The following PPP2R5E variants were observed in gnomAD, a reference collection of about 807,000 sequenced individuals.
PPP2R5E encodes the protein serine/threonine-protein phosphatase 2A 56 kDa regulatory subunit epsilon isoform.
PPP2R5E carries 4 observed loss-of-function variants against 65.3 expected under a neutral mutation model. The observed-to-expected ratio is 0.06, with a 90% CI of 0.03 to 0.14. PPP2R5E has a LOEUF of 0.14. PPP2R5E is among the 10% of genes least tolerant of loss of function. The probability of loss-of-function intolerance (pLI) is 1.00; values close to 1 mark genes in which losing one functional copy is unlikely to be tolerated. For synonymous variants in PPP2R5E, 183 were observed against 187.4 expected, an observed-to-expected ratio of 0.98 and a Z score of 0.19; for missense variants, 274 against 556.1, an observed-to-expected ratio of 0.49 and a Z score of 5.10.
chr14:63,381,871 G>A (rs1469702722), intron 13 of PPP2R5E, among the ~76,000 whole-genome samples, 185 bp downstream of exon 13: 1 of 152,168 alleles, frequency 6.6e-6, no homozygotes, highest in Non-Finnish European at 1.5e-5. Flanking sequence ...TACTTATGAT[G>A]TTCACACAAT....
intron 3 of PPP2R5E, among the ~76,000 whole-genome samples, chr14:63,424,934 A>G (rs1202424478): frequency 6.6e-6 from 1 of 152,210 alleles, no homozygotes; most frequent in Non-Finnish European, 1.5e-5. Context: ...TGTTCAGAGC[A>G]TTGACTAAGA....
At chr14:63,502,614 C>G (rs1379002835) in intron 2 of PPP2R5E, among the ~76,000 whole-genome samples, 1 of 152,014 alleles carries the variant, frequency 6.6e-6, no homozygotes, top group African/African-American at 2.4e-5. Flanking sequence ...TTGCAGTGAG[C>G]TGAGATCATG....
intron 5 of PPP2R5E, among the ~76,000 whole-genome samples, chr14:63,400,056 G>C (rs1052882863): frequency 2.0e-5 from 3 of 152,160 alleles, no homozygotes; most frequent in Admixed American, 6.5e-5. Context: ...TTCAAAAATA[G>C]GTAGAGACAG....
In PPP2R5E at chr14:63,509,700, C is replaced by G. The variant is rs542646534; in HGVS notation, c.157+29829G>C. ...TTGACTATATGTTACAAACACACAC[C>G]TGCAAATGGAGTCAATGCCTGTGGA... On this transcript the variant is annotated intron_variant, in intron 2 of 13. Transcript: ENST00000337537. Among the ~76,000 whole-genome samples, 16 of 152,250 alleles carry G rather than the reference C, an allele frequency of 1.1e-4. No individual in the cohort carries two copies. In the South Asian group the frequency reaches 2.9e-3, roughly 28 times the overall value.
intron 2 of PPP2R5E, among the ~76,000 whole-genome samples, chr14:63,473,798 C>T (rs1890257068): frequency 6.6e-6 from 1 of 152,170 alleles, no homozygotes; most frequent in Admixed American, 6.5e-5. Context: ...AGTTTTAACC[C>T]ACATGCATTT....
At chr14:63,439,675 G>C (rs1888119588) in intron 3 of PPP2R5E, among the ~76,000 whole-genome samples, 1 of 152,188 alleles carries the variant, frequency 6.6e-6, no homozygotes, top group Non-Finnish European at 1.5e-5. Context: ...CGCCCAGCCG[G>C]GTTCTGGTCT....
chr14:63,438,910 T>C (rs1019843327), intron 3 of PPP2R5E, among the ~76,000 whole-genome samples: 2 of 151,964 alleles, frequency 1.3e-5, no homozygotes, highest in African/African-American at 2.4e-5. Context: ...TTCATTTAGA[T>C]GAACTTAGGG....
At chr14:63,526,824 T>G (rs1220165567) in intron 2 of PPP2R5E, among the ~76,000 whole-genome samples, 1 of 152,178 alleles carries the variant, frequency 6.6e-6, no homozygotes, top group Non-Finnish European at 1.5e-5. Context: ...CCCAAAGTGC[T>G]AGGTAGGATT....
intron 2 of PPP2R5E, among the ~76,000 whole-genome samples, chr14:63,465,608 A>C (rs1180399647): frequency 6.6e-6 from 1 of 152,228 alleles, no homozygotes; most frequent in Non-Finnish European, 1.5e-5. Context: ...CCTCGGTGAC[A>C]CGGTAAGACC....
Position 63,420,827 on chromosome 14 carries a change from C to A in PPP2R5E, c.456+1166G>T, listed in dbSNP as rs554353314. Among the ~76,000 whole-genome samples, 2 of 141,160 alleles carry A rather than the reference C, an allele frequency of 1.4e-5. 1 individual carries two copies. Among genetic ancestry groups the A allele is most frequent in the South Asian group, 4.4e-4 (2 of 4,554 alleles). The allele number at this position is 141,160 out of a possible 152,430, so 92.6% of individuals were successfully genotyped here. A position where few individuals can be genotyped will look rare whatever the true frequency, so the allele number is the denominator to read the frequency against. On this transcript the variant is annotated intron_variant, in intron 4 of 13. Coordinates refer to ENST00000337537, the MANE Select transcript of PPP2R5E (RefSeq NM_006246.5). ...CAGCACTTTGGGAGGCCGAGGCGGG[C>A]GGATCACGAGGTCAAGAGATCGAGA...
chr14:63,484,584 A>G (rs572378620), intron 2 of PPP2R5E, among the ~76,000 whole-genome samples: 1 of 152,198 alleles, frequency 6.6e-6, no homozygotes, highest in Non-Finnish European at 1.5e-5. Context: ...GAACGAGGCT[A>G]TTACAGATAA....
chr14:63,388,263 C>G lies in PPP2R5E; in HGVS notation c.1074+1349G>C, dbSNP rs543989868. ...TCAAGCGATTCTCCTGCCTCAGCTT[C>G]CCGAGTAGTTGGGATTACAGGCGCC... On this transcript the variant is annotated intron_variant, in intron 11 of 13. Transcript: ENST00000337537. 2.8e-4 allele frequency among the ~76,000 whole-genome samples: 43 copies of G among 152,254 alleles called. 2 individuals are homozygous for G. The South Asian group carries it at 8.3e-3, about 29-fold the overall frequency.
rs1883774023 is a variant in PPP2R5E at position 63,373,025 on chromosome 14, G to A, written c.*2984C>T. 1 of 151,974 alleles carries A rather than the reference G, an allele frequency of 6.6e-6. No individual in the cohort carries two copies. Among genetic ancestry groups the A allele is most frequent in the Admixed American group, 6.6e-5 (1 of 15,264 alleles). The allele number at this position is 151,974 out of a possible 1,614,324, so 9.4% of individuals were successfully genotyped here. A position where few individuals can be genotyped will look rare whatever the true frequency, so the allele number is the denominator to read the frequency against. The stretch of plus-strand genomic sequence containing the variant: ...CTCAACACTGAAGGAAAACAACTGG[G>A]GATACTTCACAATGAGAAACAGGAA... On this transcript the variant is annotated 3_prime_UTR_variant, in exon 14 of 14. Transcript: ENST00000337537.
chr14:63,481,860 ATTTTTTATTC>A (rs1168998287), intron 2 of PPP2R5E, among the ~76,000 whole-genome samples: 1 of 152,172 alleles, frequency 6.6e-6, no homozygotes, highest in Non-Finnish European at 1.5e-5. Context: ...GTCTAAAAAT[ATTTTTTATTC>A]TGACAAAATT....
rs1274332972 is a variant in PPP2R5E at position 63,373,304 on chromosome 14, T to C, written c.*2705A>G. 2.0e-5 allele frequency: 3 copies of C among 152,138 alleles called. No individual in the cohort carries two copies. Among genetic ancestry groups the C allele is most frequent in the Non-Finnish European group, 2.9e-5 (2 of 68,008 alleles). The allele number at this position is 152,138 out of a possible 1,614,324, so 9.4% of individuals were successfully genotyped here. Reference sequence around the variant, plus strand: ...TCTGGAAATTATGAAGCAAACAAAATATAACACAAAGATGCATTTGTCACA... The same window carrying C: ...TCTGGAAATTATGAAGCAAACAAAACATAACACAAAGATGCATTTGTCACA... On this transcript the variant is annotated 3_prime_UTR_variant, in exon 14 of 14. Coordinates refer to ENST00000337537, the MANE Select transcript of PPP2R5E (RefSeq NM_006246.5).
chr14:63,437,877 T>C (rs995426714), intron 3 of PPP2R5E, among the ~76,000 whole-genome samples: 1 of 152,140 alleles, frequency 6.6e-6, no homozygotes, highest in African/African-American at 2.4e-5. Context: ...GAAATGTCTT[T>C]CCTTGTGTGT....
At chr14:63,484,347 T>TCTCTCTCACACACACA (rs758248092) in intron 2 of PPP2R5E, among the ~76,000 whole-genome samples, 2 of 139,596 alleles carry the variant, frequency 1.4e-5, no homozygotes, top group African/African-American at 5.5e-5. Flanking sequence ...TCTCTCTCTC[T>TCTCTCTCACACACACA]CACACACACA....
intron 3 of PPP2R5E, among the ~76,000 whole-genome samples, chr14:63,439,562 C>T (rs1344184619): frequency 2.6e-5 from 4 of 152,012 alleles, no homozygotes; most frequent in Admixed American, 6.6e-5. Flanking sequence ...TTAGTAGAGA[C>T]GGGGTTTCTC....
intron 13 of PPP2R5E, among the ~76,000 whole-genome samples, chr14:63,378,937 C>T (rs2139733872): frequency 6.6e-6 from 1 of 152,322 alleles, no homozygotes; most frequent in South Asian, 2.1e-4. Flanking sequence ...GTCCTATTCC[C>T]ACACCTATGG....
Sources: allele counts gnomAD v4.1 joint callset (sites outside exome capture counted in the v4.1 genomes callset), GRCh38; gene constraint gnomAD v4.1.1; transcripts MANE v1.5; gene names NCBI Gene and HGNC (gene_info 2026-07-23, HGNC 2026-07-21).